The following NHERF1 variants were observed in gnomAD, a reference collection of about 807,000 sequenced individuals.
NHERF1 encodes the protein Na(+)/H(+) exchange regulatory cofactor NHE-RF1.
At chr17:74,753,275 T>C in the NHERF1 span, among the ~76,000 whole-genome samples, 1 of 152,172 alleles carries the variant, frequency 6.6e-6, no homozygotes, top group African/African-American at 2.4e-5. Context: ...TTGGGGTGTT[T>C]CCTGCCAGCC....
the NHERF1 span, chr17:74,769,265 G>C: frequency 6.6e-6 from 1 of 152,516 alleles, no homozygotes; most frequent in Non-Finnish European, 1.5e-5. Flanking sequence ...TGGGCAGCAC[G>C]GGGAGGGTTT....
chr17:74,767,078 A>G, the NHERF1 span: 1 of 1,071,300 alleles, frequency 9.3e-7, no homozygotes, highest in East Asian at 2.4e-5. Context: ...ACTAAGGCCA[A>G]AACCCCAGGG....
chr17:74,754,599 C>T, the NHERF1 span, among the ~76,000 whole-genome samples: 1 of 152,002 alleles, frequency 6.6e-6, no homozygotes, highest in African/African-American at 2.4e-5. Context: ...GACGGAGTTT[C>T]ACCACGGTGG....
chr17:74,763,333 G>A, the NHERF1 span: 1 of 1,597,234 alleles, frequency 6.3e-7, no homozygotes, highest in Non-Finnish European at 8.6e-7. Flanking sequence ...ACCAAGGCCT[G>A]TGTCCGTAAC....
chr17:74,759,505 G>T, the NHERF1 span, among the ~76,000 whole-genome samples: 1 of 152,192 alleles, frequency 6.6e-6, no homozygotes, highest in Non-Finnish European at 1.5e-5. Flanking sequence ...CAGCCGGGGG[G>T]GGCGCCCAGA....
At chr17:74,748,636 C>T in the NHERF1 span, 7 of 500,976 alleles carry the variant, frequency 1.4e-5, no homozygotes, top group Non-Finnish European at 2.1e-5. The surrounding 1 kb of genome is among the most constrained non-coding windows in gnomAD (Gnocchi z 4.3). Flanking sequence ...TCAGACGCCG[C>T]GCGGGGCGGG....
At chr17:74,763,491 G>C in the NHERF1 span, 2 of 1,606,914 alleles carry the variant, frequency 1.2e-6, no homozygotes, top group South Asian at 1.1e-5. Context: ...AAGAAATGCA[G>C]AGTGATCCCA....
At chr17:74,753,714 C>A in the NHERF1 span, among the ~76,000 whole-genome samples, 2 of 148,724 alleles carry the variant, frequency 1.3e-5, no homozygotes, top group Admixed American at 1.3e-4. Context: ...CATAGTGAGA[C>A]CTCGTCTCTA....
At chr17:74,766,911 C>G in the NHERF1 span, 1 of 1,613,368 alleles carries the variant, frequency 6.2e-7, no homozygotes. Flanking sequence ...GTTCTGGACT[C>G]ACCTCTGCTC....
chr17:74,755,424 C>T, the NHERF1 span, among the ~76,000 whole-genome samples: 3 of 152,186 alleles, frequency 2.0e-5, no homozygotes, highest in South Asian at 6.2e-4. Context: ...CACTGTTGAC[C>T]GAAGCCTTCC....
the NHERF1 span, among the ~76,000 whole-genome samples, chr17:74,754,399 C>CTTT: frequency 1.2e-4 from 7 of 59,678 alleles, no homozygotes; most frequent in African/African-American, 1.4e-4. Flanking sequence ...TTCTTTCTTT[C>CTTT]TTTTTTTTTT....
chr17:74,763,358 G>C, the NHERF1 span: 1 of 1,611,932 alleles, frequency 6.2e-7, no homozygotes, highest in African/African-American at 1.3e-5. Context: ...CCCCGACCCT[G>C]CCCTGCAGGT....
the NHERF1 span, among the ~76,000 whole-genome samples, chr17:74,753,889 G>A: frequency 6.6e-5 from 10 of 152,120 alleles, no homozygotes; most frequent in Admixed American, 3.3e-4. Flanking sequence ...GGTGGCTCAC[G>A]CCTGTAATCC....
chr17:74,758,248 G>A, the NHERF1 span, among the ~76,000 whole-genome samples: 3 of 152,352 alleles, frequency 2.0e-5, no homozygotes, highest in African/African-American at 7.2e-5. The surrounding 1 kb of genome is among the most constrained non-coding windows in gnomAD (Gnocchi z 4.3). Flanking sequence ...CCTGGACTGC[G>A]TGGGTGGAGG....
At chr17:74,749,087 G>A in the NHERF1 span, 1 of 1,588,620 alleles carries the variant, frequency 6.3e-7, no homozygotes, top group Non-Finnish European at 8.5e-7. The surrounding 1 kb of genome is among the most constrained non-coding windows in gnomAD (Gnocchi z 5.6). Flanking sequence ...CCGCATCCGC[G>A]CCGCACTCAA....
chr17:74,758,372 G>A, the NHERF1 span, among the ~76,000 whole-genome samples: 19 of 152,312 alleles, frequency 1.2e-4, no homozygotes, highest in Admixed American at 2.6e-4. The surrounding 1 kb of genome is among the most constrained non-coding windows in gnomAD (Gnocchi z 4.3). Flanking sequence ...GCAGCTCTCC[G>A]GGCAGGGTCT....
the NHERF1 span, among the ~76,000 whole-genome samples, chr17:74,756,379 A>G: frequency 6.9e-6 from 1 of 144,208 alleles, no homozygotes; most frequent in African/African-American, 2.6e-5. Context: ...CCTGGGTTCA[A>G]GCGGTTCTCG....
At chr17:74,758,594 CT>C in the NHERF1 span, among the ~76,000 whole-genome samples, 1 of 152,194 alleles carries the variant, frequency 6.6e-6, no homozygotes, top group Non-Finnish European at 1.5e-5. The surrounding 1 kb of genome is among the most constrained non-coding windows in gnomAD (Gnocchi z 4.3). Context: ...GGAGGTCCCA[CT>C]TTGCCCTCCG....
the NHERF1 span, chr17:74,763,406 G>A: frequency 2.9e-5 from 47 of 1,614,034 alleles, no homozygotes; most frequent in Middle Eastern, 1.6e-4. Context: ...GCATGGGGAC[G>A]TGGTGTCCGC....
Sources: gnomAD v4.1 joint callset for allele counts (sites outside exome capture counted in the v4.1 genomes callset) on GRCh38, gnomAD v4.1.1 for gene constraint, Gnocchi (gnomAD v3.1) non-coding constraint, MANE v1.5 for transcripts, NCBI Gene and HGNC (gene_info 2026-07-23, HGNC 2026-07-21) for gene names.